Variants in MTUS1 observed in about 807,000 individuals in gnomAD.
The protein encoded by MTUS1 is microtubule-associated tumor suppressor 1.
In MTUS1, 109 loss-of-function variants were observed where a neutral mutation model predicts 120.8. That is an observed-to-expected ratio of 0.90 (90% CI 0.77 to 1.06). The LOEUF is 1.06. Ranked by LOEUF, MTUS1 falls within the 50% of genes least tolerant of loss-of-function variation. The probability of loss-of-function intolerance (pLI) is 0.00; values close to 1 mark genes in which losing one functional copy is unlikely to be tolerated. For missense variants in MTUS1, 2,210 were observed against 1,486.3 expected (o/e 1.49, Z -8.01); for synonymous variants, 737 against 550.5 (o/e 1.34, Z -4.74).
chr8:17,666,202 C>T (rs1475092506), intron 8 of MTUS1, among the ~76,000 whole-genome samples: 17 of 143,290 alleles, frequency 1.2e-4, no homozygotes, highest in Admixed American at 2.9e-4. Context: ...GAATATCTGA[C>T]AATATGTTCT....
At chr8:17,780,560 T>A (rs1453340226) in intron 1 of MTUS1, among the ~76,000 whole-genome samples, 1 of 152,060 alleles carries the variant, frequency 6.6e-6, no homozygotes, top group Admixed American at 6.5e-5. Context: ...TCAGCAATAA[T>A]CTGCCTCTTT....
intron 1 of MTUS1, among the ~76,000 whole-genome samples, chr8:17,779,519 T>A (rs1057230267): frequency 6.6e-6 from 1 of 152,268 alleles, no homozygotes; most frequent in African/African-American, 2.4e-5. Flanking sequence ...TTTGCCATTA[T>A]TTATTTAACA....
At chr8:17,746,370 C>A (rs1335617862) in intron 2 of MTUS1, among the ~76,000 whole-genome samples, 1 of 152,128 alleles carries the variant, frequency 6.6e-6, no homozygotes, top group Non-Finnish European at 1.5e-5. Flanking sequence ...AGTCCATTTT[C>A]ACAACGCTGA....
intron 5 of MTUS1, among the ~76,000 whole-genome samples, chr8:17,714,559 A>G (rs1031034499): frequency 6.6e-6 from 1 of 152,222 alleles, no homozygotes; most frequent in Non-Finnish European, 1.5e-5. Flanking sequence ...TGCCCACTAT[A>G]AACTGAAGTG....
chr8:17,700,581 A>T (rs537341592), intron 6 of MTUS1, among the ~76,000 whole-genome samples: 60 of 152,290 alleles, frequency 3.9e-4, no homozygotes, highest in Non-Finnish European at 2.2e-4. Context: ...ATTAAACAAA[A>T]ACGATTAAGT....
chr8:17,749,659 C>CAAAA (rs768210060), intron 2 of MTUS1, among the ~76,000 whole-genome samples: 2 of 76,360 alleles, frequency 2.6e-5, no homozygotes, highest in African/African-American at 4.8e-5. Context: ...GAATCTGTCT[C>CAAAA]AAAAAAAAAA....
intron 1 of MTUS1, among the ~76,000 whole-genome samples, chr8:17,770,094 G>C (rs528799883): frequency 2.8e-4 from 42 of 152,234 alleles, no homozygotes; most frequent in African/African-American, 1.0e-3. Flanking sequence ...ACAGTCATTT[G>C]TAATAATATA....
intron 6 of MTUS1, among the ~76,000 whole-genome samples, chr8:17,712,826 A>G (rs1206948646): frequency 2.6e-5 from 4 of 152,212 alleles, no homozygotes; most frequent in East Asian, 1.9e-4. Flanking sequence ...GTGTGAAAAA[A>G]AAAACATAAA....
intron 7 of MTUS1, chr8:17,676,006 TACAGTTCCTTAAA>T (rs1454916294): frequency 4.1e-6 from 2 of 492,242 alleles, no homozygotes. Flanking sequence ...AGTAATTACA[TACAGTTCCTTAAA>T]AGGTAGATTC....
chr8:17,697,476 A>G lies in MTUS1; in HGVS notation c.2624-12934T>C. 9 of 1,487,126 alleles carry G rather than the reference A, an allele frequency of 6.1e-6. 1 individual carries two copies. The South Asian group carries it at 1.3e-4, about 22-fold the overall frequency. The allele number at this position is 1,487,126 out of a possible 1,614,324, so 92.1% of individuals were successfully genotyped here. On this transcript the variant is annotated intron_variant, in intron 6 of 14. Transcript: ENST00000693296. ...TCAGTACTCTTCAAGGCCAAGAAAT[A>G]CAGTCAGAGGAAAGATGCCTACACA...
chr8:17,698,471 C>G (rs780958440), intron 6 of MTUS1, among the ~76,000 whole-genome samples: 1 of 152,100 alleles, frequency 6.6e-6, no homozygotes, highest in Non-Finnish European at 1.5e-5. Flanking sequence ...CATTAAACCA[C>G]GAATAGCCTG....
intron 13 of MTUS1, among the ~76,000 whole-genome samples, chr8:17,649,263 G>C (rs1585385538): frequency 1.3e-5 from 2 of 152,090 alleles, no homozygotes; most frequent in Admixed American, 1.3e-4. Context: ...CACCATGTTG[G>C]CCAGGCTGGT....
rs538583348 is a variant in MTUS1 at position 17,731,028 on chromosome 8, T to A, written c.2288-7195A>T. 2.0e-4 allele frequency among the ~76,000 whole-genome samples: 30 copies of A among 152,260 alleles called. No homozygotes were observed. In the South Asian group the frequency reaches 5.6e-3, roughly 28 times the overall value. ...AAAAACAAGGAACTTGTGCAACTAGTTGGAGTAAGATATTATAAAATAATA... is the reference window on the plus strand; with the variant it reads ...AAAAACAAGGAACTTGTGCAACTAGATGGAGTAAGATATTATAAAATAATA... On this transcript the variant is annotated intron_variant, in intron 3 of 14. Coordinates refer to ENST00000693296, the MANE Select transcript of MTUS1 (RefSeq NM_001363059.2).
chr8:17,662,291 C>T (rs1423596346), intron 8 of MTUS1, among the ~76,000 whole-genome samples: 1 of 150,688 alleles, frequency 6.6e-6, no homozygotes, highest in Non-Finnish European at 1.5e-5. Flanking sequence ...CATGGACATG[C>T]GAATGTTTGA....
intron 1 of MTUS1, among the ~76,000 whole-genome samples, chr8:17,777,432 C>T (rs949846803): frequency 3.4e-5 from 5 of 147,726 alleles, no homozygotes; most frequent in Non-Finnish European, 5.9e-5. Context: ...GAGGGAGACA[C>T]TGTCTCAAAA....
rs2048327143 is a variant in MTUS1, at chr8:17,753,213, A to C, written c.2091+504T>G. On this transcript the variant is annotated intron_variant, in intron 2 of 14. Coordinates refer to ENST00000693296, the MANE Select transcript of MTUS1 (RefSeq NM_001363059.2). ...TGCCAAAAATCATTATTGGCCGGTCAGAGGAAAAATCAAGAACACTCTTGC... is the reference window on the plus strand; with the variant it reads ...TGCCAAAAATCATTATTGGCCGGTCCGAGGAAAAATCAAGAACACTCTTGC... 1.3e-5 allele frequency among the ~76,000 whole-genome samples: 2 copies of C among 152,186 alleles called. 1 individual carries two copies. The highest frequency in any genetic ancestry group is 4.1e-4 in the South Asian group (2 of 4,830).
intron 1 of MTUS1, among the ~76,000 whole-genome samples, chr8:17,757,393 C>T (rs981597216): frequency 6.6e-6 from 1 of 152,142 alleles, no homozygotes; most frequent in African/African-American, 2.4e-5. Context: ...GTTTCTTTTG[C>T]GAGTATGTTC....
Position 17,645,697 on chromosome 8 carries a change from A to C in MTUS1, c.*229T>G. ...TGCAACAACGTCCGTGTCGATGCCG[A>C]AATCTTTTTTTAAATCTTTTTTTGG... On this transcript the variant is annotated 3_prime_UTR_variant, in exon 15 of 15. Coordinates refer to ENST00000693296, the MANE Select transcript of MTUS1 (RefSeq NM_001363059.2). 1 of 516,108 alleles carries C rather than the reference A, an allele frequency of 1.9e-6. No individual in the cohort carries two copies. The highest frequency in any genetic ancestry group is 3.2e-6 in the Non-Finnish European group (1 of 307,838). 32.0% of individuals were successfully genotyped at this position (516,108 alleles called of 1,614,324 possible). A position where few individuals can be genotyped will look rare whatever the true frequency, so the allele number is the denominator to read the frequency against.
chr8:17,782,556 A>G (rs922347704), intron 1 of MTUS1, among the ~76,000 whole-genome samples: 2 of 152,244 alleles, frequency 1.3e-5, no homozygotes, highest in African/African-American at 4.8e-5. Context: ...TAAATGTTTT[A>G]ACAGTGAAGT....
Sources: allele counts gnomAD v4.1 joint callset (sites outside exome capture counted in the v4.1 genomes callset), GRCh38; gene constraint gnomAD v4.1.1; transcripts MANE v1.5; gene names NCBI Gene and HGNC (gene_info 2026-07-23, HGNC 2026-07-21).